The following DENND1B variants were observed in gnomAD, a reference collection of about 807,000 sequenced individuals.
The protein encoded by DENND1B is DENN domain-containing protein 1B.
In DENND1B, 59 loss-of-function variants were observed where a neutral mutation model predicts 90.1. The ratio of observed to expected loss-of-function variants is 0.65; its 90% CI spans 0.53 to 0.81. DENND1B has a LOEUF of 0.81. Among genes scored for constraint, DENND1B ranks in the 40% least tolerant of loss-of-function variants. The pLI is 0.00. For missense variants in DENND1B, 862 were observed against 912.6 expected, an observed-to-expected ratio of 0.94 and a Z score of 0.71; for synonymous variants, 337 against 324.6, an observed-to-expected ratio of 1.04 and a Z score of -0.41.
intron 10 of DENND1B, among the ~76,000 whole-genome samples, chr1:197,638,742 T>C (rs1680009658): frequency 6.6e-6 from 1 of 152,174 alleles, no homozygotes; most frequent in Non-Finnish European, 1.5e-5. Flanking sequence ...CAAGATTCGC[T>C]TGGGGCTTAA....
intron 17 of DENND1B, among the ~76,000 whole-genome samples, chr1:197,546,402 A>G (rs1280352974): frequency 6.6e-6 from 1 of 152,144 alleles, no homozygotes; most frequent in Non-Finnish European, 1.5e-5. Context: ...ACAAAACTAT[A>G]TTACCACAAA....
chr1:197,558,131 A>G (rs16841715), intron 15 of DENND1B, among the ~76,000 whole-genome samples: 2,827 of 151,930 alleles, frequency 0.019, 39 homozygotes, highest in Middle Eastern at 0.034. Context: ...TAGATTTTTA[A>G]AAGAACTTAA....
At chr1:197,714,518 A>C (rs1225815703) in intron 3 of DENND1B, among the ~76,000 whole-genome samples, 1 of 152,134 alleles carries the variant, frequency 6.6e-6, no homozygotes, top group African/African-American at 2.4e-5. Context: ...CTTGCATGCC[A>C]TATTTTTTAA....
chr1:197,573,457 T>C (rs1300195427), intron 15 of DENND1B, among the ~76,000 whole-genome samples: 7 of 152,132 alleles, frequency 4.6e-5, no homozygotes, highest in Non-Finnish European at 8.8e-5. Context: ...GTGGCAATAA[T>C]CAATAGCTTA....
chr1:197,551,707 A>G (rs1671257064), intron 16 of DENND1B, among the ~76,000 whole-genome samples: 1 of 152,132 alleles, frequency 6.6e-6, no homozygotes, highest in South Asian at 2.1e-4. Context: ...CACGGGTCAT[A>G]AAGATAATGA....
intron 10 of DENND1B, among the ~76,000 whole-genome samples, chr1:197,640,849 A>G (rs1188155947): frequency 6.6e-6 from 1 of 152,092 alleles, no homozygotes; most frequent in East Asian, 1.9e-4. Context: ...GCGTGTGCCT[A>G]TAGTCCCAGC....
intron 14 of DENND1B, among the ~76,000 whole-genome samples, chr1:197,586,705 T>C (rs539230147): frequency 2.4e-4 from 37 of 152,340 alleles, no homozygotes; most frequent in Non-Finnish European, 5.0e-4. Flanking sequence ...CTTGGTTCAA[T>C]TGATTTTCGC....
Position 197,645,704 on chromosome 1 carries a change from T to G in DENND1B, c.547A>C (p.Thr183Pro), listed in dbSNP as rs182534827. 63 of 1,566,106 alleles carry G rather than the reference T, an allele frequency of 4.0e-5. No individual in the cohort carries two copies. The highest frequency in any genetic ancestry group is 1.8e-4 in the Middle Eastern group (1 of 5,600). ...FIAPDVTGLPTIPESRNLTEY... is the reference protein window; with the variant it reads ...FIAPDVTGLPPIPESRNLTEY... ...AGGAAACTTACACTCTCGGGTATTG[T>G]TGGGAGTCCAGTTACATCAGGGGCA... Residue 183 changes from threonine to proline, a missense_variant, in exon 9 of 23, where the codon ACA (threonine) becomes CCA (proline). By Grantham distance (38) the Thr-to-Pro change is conservative. Coordinates refer to ENST00000620048, the MANE Select transcript of DENND1B (RefSeq NM_001195215.2).
chr1:197,513,442 G>C (rs768938307), intron 20 of DENND1B, among the ~76,000 whole-genome samples: 10 of 151,536 alleles, frequency 6.6e-5, no homozygotes, highest in Non-Finnish European at 1.0e-4. Context: ...TAAAAGTGTA[G>C]ATTCTGGTTC....
intron 15 of DENND1B, among the ~76,000 whole-genome samples, chr1:197,562,356 A>G (rs7543631): frequency 0.96 from 145,532 of 151,924 alleles, 70,001 homozygotes; most frequent in South Asian, 1. Context: ...CATTGAGCAA[A>G]TCTGTCAGTG....
At chr1:197,773,067 G>A (rs979766636) in intron 1 of DENND1B, 135 bp from the exon 2 acceptor site, 1 of 756,906 alleles carries the variant, frequency 1.3e-6, no homozygotes, top group East Asian at 2.8e-5. Context: ...CAGTATAGTA[G>A]AAATAACAAT....
At chr1:197,764,878 T>A (rs1054434960) in intron 2 of DENND1B, among the ~76,000 whole-genome samples, 5 of 152,140 alleles carry the variant, frequency 3.3e-5, no homozygotes, top group Non-Finnish European at 7.3e-5. Flanking sequence ...AGAGGGGTAA[T>A]CTTAGTGGAG....
chr1:197,706,925 G>A (rs932541485), intron 3 of DENND1B, among the ~76,000 whole-genome samples: 2 of 151,864 alleles, frequency 1.3e-5, no homozygotes, highest in African/African-American at 4.8e-5. Flanking sequence ...CCCACTACTG[G>A]GTATATATCC....
intron 3 of DENND1B, among the ~76,000 whole-genome samples, chr1:197,683,831 A>G (rs1330385241): frequency 2.0e-5 from 3 of 152,148 alleles, no homozygotes; most frequent in African/African-American, 7.2e-5. Context: ...ACCACTTTTG[A>G]TTTTATAATC....
intron 13 of DENND1B, among the ~76,000 whole-genome samples, chr1:197,600,197 A>C (rs1676076823): frequency 6.6e-6 from 1 of 151,856 alleles, no homozygotes; most frequent in Non-Finnish European, 1.5e-5. Flanking sequence ...ATGGCATCTC[A>C]GTTTGGCTAA....
chr1:197,688,829 A>G, intron 3 of DENND1B: 1 of 197,034 alleles, frequency 5.1e-6, no homozygotes, highest in South Asian at 1.1e-4. Context: ...GTCCATTACT[A>G]CTTGCCATCC....
intron 14 of DENND1B, among the ~76,000 whole-genome samples, chr1:197,588,848 A>C (rs925616021): frequency 6.6e-6 from 1 of 152,278 alleles, no homozygotes; most frequent in East Asian, 1.9e-4. Flanking sequence ...TTTAGCTAGA[A>C]GTCAATGAAA....
chr1:197,527,268 C>T (rs144918562), intron 20 of DENND1B, among the ~76,000 whole-genome samples: 12 of 149,678 alleles, frequency 8.0e-5, no homozygotes, highest in East Asian at 5.8e-4. Context: ...AGAACATTCA[C>T]TTAACTTATT....
intron 19 of DENND1B, 108 bp from the exon 20 acceptor site, chr1:197,540,179 C>A (rs1415979717): frequency 1.4e-5 from 8 of 558,874 alleles, no homozygotes; most frequent in Non-Finnish European, 2.3e-5. Context: ...AGCAAAATAA[C>A]ACTTCAGCTT....
Sources: allele counts gnomAD v4.1 joint callset (sites outside exome capture counted in the v4.1 genomes callset), GRCh38; gene constraint gnomAD v4.1.1; transcripts MANE v1.5; gene names NCBI Gene and HGNC (gene_info 2026-07-23, HGNC 2026-07-21).